DCAF5: variants seen among roughly 807,000 people sequenced by gnomAD.
The protein encoded by DCAF5 is DDB1 and CUL4 associated factor 5, also known as DDB1- and CUL4-associated factor 5.
Under a neutral mutation model 80.7 loss-of-function variants are expected in DCAF5, and 9 were observed. The observed-to-expected ratio is 0.11, with a 90% CI of 0.07 to 0.19. The LOEUF (loss-of-function observed/expected upper bound fraction) is 0.19, where lower values mean the gene tolerates loss of function less well. DCAF5 is among the 10% of genes least tolerant of loss of function. DCAF5 has a pLI of 1.00. For missense variants in DCAF5, 842 were observed against 1,205.7 expected, an observed-to-expected ratio of 0.70 and a Z score of 4.47; for synonymous variants, 433 against 461.9, an observed-to-expected ratio of 0.94 and a Z score of 0.80.
intron 1 of DCAF5, among the ~76,000 whole-genome samples, chr14:69,123,899 T>C (rs1342174197): frequency 6.6e-6 from 1 of 151,970 alleles, no homozygotes; most frequent in Non-Finnish European, 1.5e-5. Flanking sequence ...GGGGTTTCAC[T>C]ATGTTGGCCA....
intron 8 of DCAF5, 130 bp downstream of exon 8, chr14:69,062,254 G>A (rs1280116530): frequency 9.9e-7 from 1 of 1,012,770 alleles, no homozygotes; most frequent in Non-Finnish European, 1.4e-6. Context: ...TTTGTAATAT[G>A]TTAAAATCTG....
intron 5 of DCAF5, among the ~76,000 whole-genome samples, chr14:69,093,985 C>T (rs1184714162): frequency 6.6e-6 from 1 of 152,202 alleles, no homozygotes; most frequent in Non-Finnish European, 1.5e-5. Flanking sequence ...ATTTCCTTTA[C>T]AGGGTGCTGT....
chr14:69,090,887 T>C, intron 6 of DCAF5: 2 of 559,470 alleles, frequency 3.6e-6, no homozygotes, highest in East Asian at 2.8e-5. Flanking sequence ...TTTGTTGTGC[T>C]TGAGAATAAA....
intron 5 of DCAF5, among the ~76,000 whole-genome samples, chr14:69,107,138 G>A (rs1020591256): frequency 1.3e-5 from 2 of 152,142 alleles, no homozygotes; most frequent in African/African-American, 2.4e-5. Flanking sequence ...TGGGGAATAC[G>A]AAAGGAAGAA....
At chr14:69,124,432 C>G (rs182438815) in intron 1 of DCAF5, among the ~76,000 whole-genome samples, 36 of 152,178 alleles carry the variant, frequency 2.4e-4, no homozygotes, top group African/African-American at 8.4e-4. Context: ...ATACAGAAGC[C>G]AAATCATACT....
At chr14:69,059,146 G>A (rs1356676219) in intron 8 of DCAF5, among the ~76,000 whole-genome samples, 2 of 152,134 alleles carry the variant, frequency 1.3e-5, no homozygotes, top group African/African-American at 2.4e-5. Flanking sequence ...GAGTGCAGTG[G>A]CATGAACATG....
chr14:69,075,591 C>T (rs949359187), intron 6 of DCAF5, among the ~76,000 whole-genome samples, 180 bp from the exon 7 acceptor site: 10 of 152,144 alleles, frequency 6.6e-5, no homozygotes, highest in African/African-American at 2.2e-4. Flanking sequence ...AAGTGATTCT[C>T]CTGCCTCAAC....
At chr14:69,108,243 T>C (rs1313738169) in intron 5 of DCAF5, among the ~76,000 whole-genome samples, 1 of 152,158 alleles carries the variant, frequency 6.6e-6, no homozygotes, top group Non-Finnish European at 1.5e-5. Flanking sequence ...CCGGGGGACA[T>C]GGTGAGTAAA....
intron 2 of DCAF5, among the ~76,000 whole-genome samples, chr14:69,121,923 ATG>A (rs917578150): frequency 2.7e-4 from 41 of 152,194 alleles, no homozygotes; most frequent in African/African-American, 9.4e-4. Flanking sequence ...TGTTTCAAAT[ATG>A]TGTGTGTGTC....
chr14:69,132,766 G>T (rs12432645), intron 1 of DCAF5, among the ~76,000 whole-genome samples: 35,273 of 152,038 alleles, frequency 0.23, 5,952 homozygotes, highest in East Asian at 0.81. Flanking sequence ...TCTCCACGTA[G>T]TAAGACATAG....
At chr14:69,139,553 T>C (rs562891302) in intron 1 of DCAF5, among the ~76,000 whole-genome samples, 1 of 149,982 alleles carries the variant, frequency 6.7e-6, no homozygotes, top group Non-Finnish European at 1.5e-5. Flanking sequence ...GTGCCTCATA[T>C]CTGTAATCCC....
intron 2 of DCAF5, 95 bp from the exon 3 acceptor site, chr14:69,119,325 T>C (rs1326342181): frequency 5.6e-6 from 7 of 1,253,628 alleles, no homozygotes; most frequent in Non-Finnish European, 7.9e-6. Context: ...GGAAAAAATA[T>C]GAACAAAGCC....
chr14:69,083,668 G>A (rs139722903), intron 6 of DCAF5: 130 of 616,266 alleles, frequency 2.1e-4, no homozygotes, highest in African/African-American at 1.9e-3. Context: ...GAAATCCACC[G>A]TATTAACCAA....
chr14:69,081,703 G>A (rs2039109342), intron 6 of DCAF5, among the ~76,000 whole-genome samples: 1 of 151,974 alleles, frequency 6.6e-6, no homozygotes, highest in African/African-American at 2.4e-5. Context: ...ATTTGTCACT[G>A]TCTCACTGAC....
intron 1 of DCAF5, among the ~76,000 whole-genome samples, chr14:69,132,381 T>C (rs1040647492): frequency 6.6e-6 from 1 of 152,178 alleles, no homozygotes; most frequent in Non-Finnish European, 1.5e-5. Flanking sequence ...CTTCAAATAA[T>C]AGCCTAAAAT....
intron 7 of DCAF5, among the ~76,000 whole-genome samples, chr14:69,065,074 G>A (rs766329432): frequency 3.3e-5 from 5 of 149,284 alleles, no homozygotes; most frequent in Admixed American, 1.3e-4. Context: ...TGTTTCTCTT[G>A]CACTTTCATG....
chr14:69,153,029 A>G lies in DCAF5; in HGVS notation c.-51T>C. On this transcript the variant is annotated 5_prime_UTR_variant, in exon 1 of 9. Coordinates refer to ENST00000341516, the MANE Select transcript of DCAF5 (RefSeq NM_003861.3). Reference sequence around the variant, plus strand: ...GCGCCGCCGCCCCTCCCTCGGCCTCACGCGCGGCCGCTGCTCCCCCCACCC... The same window carrying G: ...GCGCCGCCGCCCCTCCCTCGGCCTCGCGCGCGGCCGCTGCTCCCCCCACCC... 3 of 1,395,628 alleles carry G rather than the reference A, an allele frequency of 2.1e-6. No individual in the cohort carries two copies. Among genetic ancestry groups the G allele is most frequent in the Non-Finnish European group, 2.8e-6 (3 of 1,068,936 alleles). 86.5% of individuals were successfully genotyped at this position (1,395,628 alleles called of 1,614,324 possible). A position where few individuals can be genotyped will look rare whatever the true frequency, so the allele number is the denominator to read the frequency against.
chr14:69,085,593 T>C (rs1204706827), intron 6 of DCAF5, among the ~76,000 whole-genome samples: 2 of 152,230 alleles, frequency 1.3e-5, no homozygotes, highest in Admixed American at 1.3e-4. Flanking sequence ...ATTTTCTTGG[T>C]TGCCCAAGGG....
intron 7 of DCAF5, among the ~76,000 whole-genome samples, chr14:69,074,490 G>A (rs774029048): frequency 1.3e-5 from 2 of 152,194 alleles, no homozygotes; most frequent in Non-Finnish European, 2.9e-5. Context: ...CAAATTTATG[G>A]AAAGTTGCAG....
Sources: gnomAD v4.1 joint callset for allele counts (sites outside exome capture counted in the v4.1 genomes callset) on GRCh38, gnomAD v4.1.1 for gene constraint, MANE v1.5 for transcripts, NCBI Gene and HGNC (gene_info 2026-07-23, HGNC 2026-07-21) for gene names.